The following DLG2 variants were observed in gnomAD, a reference collection of about 807,000 sequenced individuals.
DLG2 encodes discs large MAGUK scaffold protein 2, also known as disks large homolog 2.
A neutral mutation model predicts 132.5 loss-of-function variants in DLG2; 45 were observed. The ratio of observed to expected loss-of-function variants is 0.34; its 90% CI spans 0.27 to 0.44. The LOEUF (loss-of-function observed/expected upper bound fraction) is 0.44. DLG2 is among the 20% of genes least tolerant of loss of function. The pLI is 1.00. For synonymous variants in DLG2, 424 were observed against 419.6 expected (o/e 1.01, Z -0.13); for missense variants, 1,045 against 1,196.9 (o/e 0.87, Z 1.87).
intron 7 of DLG2, among the ~76,000 whole-genome samples, chr11:84,356,867 A>C (rs574746885): frequency 3.3e-5 from 5 of 152,180 alleles, no homozygotes; most frequent in Middle Eastern, 3.4e-3. Flanking sequence ...ACATAAATGA[A>C]GTGCAAGAAT....
intron 8 of DLG2, among the ~76,000 whole-genome samples, chr11:84,201,281 C>A (rs2096589035): frequency 6.6e-6 from 1 of 152,070 alleles, no homozygotes. Context: ...AATCTTTTAC[C>A]CCAGGGATGA....
At chr11:84,933,589 C>T (rs1241435389) in intron 6 of DLG2, among the ~76,000 whole-genome samples, 2 of 152,050 alleles carry the variant, frequency 1.3e-5, no homozygotes, top group Admixed American at 1.3e-4. Flanking sequence ...CTCTAGTTAG[C>T]TGTATTCCTA....
intron 7 of DLG2, among the ~76,000 whole-genome samples, chr11:84,415,486 G>A (rs2098926247): frequency 6.6e-6 from 1 of 152,054 alleles, no homozygotes; most frequent in Admixed American, 6.6e-5. Context: ...ATAGAAGTAT[G>A]CCTCAGTAAA....
intron 6 of DLG2, among the ~76,000 whole-genome samples, chr11:84,807,421 G>A (rs1465434598): frequency 6.6e-6 from 1 of 152,012 alleles, no homozygotes; most frequent in Non-Finnish European, 1.5e-5. Flanking sequence ...ACTCCAGCCT[G>A]GGCGACAAGA....
chr11:84,967,097 G>T (rs753097734), intron 6 of DLG2, among the ~76,000 whole-genome samples: 7 of 152,032 alleles, frequency 4.6e-5, no homozygotes, highest in Non-Finnish European at 7.4e-5. Context: ...AACTTCCAAA[G>T]AAATCAACAG....
At chr11:83,466,668 G>A in intron 26 of DLG2, 40 bp downstream of exon 26, 1 of 1,134,138 alleles carries the variant, frequency 8.8e-7, no homozygotes, top group Non-Finnish European at 1.3e-6. Context: ...TACAGAACAG[G>A]GAGTCAGTTG....
intron 6 of DLG2, among the ~76,000 whole-genome samples, chr11:84,894,971 T>C (rs2089990016): frequency 6.6e-6 from 1 of 152,198 alleles, no homozygotes; most frequent in Non-Finnish European, 1.5e-5. Context: ...GTCTCACTCA[T>C]ACTTGAATCC....
intron 2 of DLG2, among the ~76,000 whole-genome samples, chr11:85,615,368 A>G (rs2081267426): frequency 6.6e-6 from 1 of 152,080 alleles, no homozygotes. Flanking sequence ...AAATACAAAA[A>G]TTAGCTGGGC....
At chr11:84,402,994 T>TTCTC (rs58666610) in intron 7 of DLG2, among the ~76,000 whole-genome samples, 4 of 149,592 alleles carry the variant, frequency 2.7e-5, no homozygotes, top group Admixed American at 6.7e-5. Context: ...CCCACTCCAA[T>TTCTC]TCTCTCTCTC....
At chr11:85,340,704 G>A (rs562894474) in intron 3 of DLG2, among the ~76,000 whole-genome samples, 2 of 152,338 alleles carry the variant, frequency 1.3e-5, no homozygotes, top group Admixed American at 1.3e-4. Flanking sequence ...CAGGTTAAGA[G>A]TATTTTATTT....
At chr11:84,782,780 A>G (rs1375603299) in intron 6 of DLG2, among the ~76,000 whole-genome samples, 2 of 152,170 alleles carry the variant, frequency 1.3e-5, no homozygotes, top group African/African-American at 2.4e-5. Flanking sequence ...TTTATAATAT[A>G]TGAATACACT....
At chr11:83,571,207 G>T (rs892446993) in intron 19 of DLG2, among the ~76,000 whole-genome samples, 17 of 151,986 alleles carry the variant, frequency 1.1e-4, no homozygotes, top group African/African-American at 3.9e-4. Flanking sequence ...ATAAATATGG[G>T]TTTTTTTCTT....
chr11:83,738,665 A>G (rs995751191), intron 18 of DLG2, among the ~76,000 whole-genome samples: 1 of 152,132 alleles, frequency 6.6e-6, no homozygotes, highest in African/African-American at 2.4e-5. Flanking sequence ...TCATTTCTCT[A>G]AAATTTGCTC....
At chr11:84,048,583 A>G (rs2096286603) in intron 11 of DLG2, among the ~76,000 whole-genome samples, 1 of 151,676 alleles carries the variant, frequency 6.6e-6, no homozygotes, top group Non-Finnish European at 1.5e-5. Context: ...ATTTTTGCAC[A>G]TGCATTAGAA....
At chr11:84,485,206 T>C (rs1209033893) in intron 7 of DLG2, among the ~76,000 whole-genome samples, 1 of 152,130 alleles carries the variant, frequency 6.6e-6, no homozygotes, top group Non-Finnish European at 1.5e-5. Flanking sequence ...TTGGTAAAAA[T>C]GTCCCTATTT....
chr11:83,882,159 T>C (rs1298896615), intron 15 of DLG2, among the ~76,000 whole-genome samples: 1 of 152,150 alleles, frequency 6.6e-6, no homozygotes, highest in Non-Finnish European at 1.5e-5. Flanking sequence ...CAATTTGGTA[T>C]GCCAAATATT....
At chr11:83,684,145 G>A (rs939725644) in intron 18 of DLG2, among the ~76,000 whole-genome samples, 1 of 152,016 alleles carries the variant, frequency 6.6e-6, no homozygotes, top group Non-Finnish European at 1.5e-5. Flanking sequence ...CAGGAAGACA[G>A]GTATCTCTGT....
At chr11:84,738,458 G>T (rs1426071700) in intron 6 of DLG2, among the ~76,000 whole-genome samples, 1 of 152,150 alleles carries the variant, frequency 6.6e-6, no homozygotes, top group Non-Finnish European at 1.5e-5. Flanking sequence ...CTTACAATTT[G>T]CTACCTTCTT....
chr11:85,498,188 T>C (rs1330057007), intron 3 of DLG2, among the ~76,000 whole-genome samples: 1 of 152,200 alleles, frequency 6.6e-6, no homozygotes, highest in Non-Finnish European at 1.5e-5. Context: ...GAGACTCATC[T>C]GATGTGCAAA....
Sources: gnomAD v4.1 joint callset for allele counts (sites outside exome capture counted in the v4.1 genomes callset) on GRCh38, gnomAD v4.1.1 for gene constraint, MANE v1.5 for transcripts, NCBI Gene and HGNC (gene_info 2026-07-23, HGNC 2026-07-21) for gene names.